FAM53B: variants seen among roughly 807,000 people sequenced by gnomAD.
FAM53B encodes protein FAM53B.
A neutral mutation model predicts 32.7 loss-of-function variants in FAM53B; 12 were observed. The observed-to-expected ratio is 0.37, with a 90% confidence interval of 0.24 to 0.59. The LOEUF (loss-of-function observed/expected upper bound fraction) is 0.59, where lower values mean the gene tolerates loss of function less well. FAM53B is among the 20% of genes least tolerant of loss of function. The probability of loss-of-function intolerance (pLI) is 0.72; values close to 1 mark genes in which losing one functional copy is unlikely to be tolerated. For synonymous variants in FAM53B, 234 were observed against 228.7 expected (o/e 1.02, Z -0.21); for missense variants, 477 against 577.7 (o/e 0.83, Z 1.79).
At chr10:124,627,022 C>T (rs1476187695) in intron 4 of FAM53B, among the ~76,000 whole-genome samples, 1 of 152,262 alleles carries the variant, frequency 6.6e-6, no homozygotes, top group Non-Finnish European at 1.5e-5. Context: ...CTCCAGTATT[C>T]TTCAAATATA....
intron 1 of FAM53B, among the ~76,000 whole-genome samples, chr10:124,720,277 C>G (rs2134095528): frequency 6.6e-6 from 1 of 150,684 alleles, no homozygotes; most frequent in East Asian, 2.0e-4. Context: ...TAATACCAGC[C>G]TAGGCAATAT....
At chr10:124,646,533 T>C (rs914713466) in intron 4 of FAM53B, among the ~76,000 whole-genome samples, 2 of 152,188 alleles carry the variant, frequency 1.3e-5, no homozygotes, top group African/African-American at 4.8e-5. Context: ...CCCTGGTCTT[T>C]TTGCTCCCAG....
intron 1 of FAM53B, among the ~76,000 whole-genome samples, 173 bp from the exon 2 acceptor site, chr10:124,707,060 C>T (rs1258966909): frequency 2.0e-5 from 3 of 152,130 alleles, no homozygotes; most frequent in Non-Finnish European, 4.4e-5. Flanking sequence ...AGAGTCCCCC[C>T]GCCCACCCCT....
At chr10:124,697,180 GTGGGCACGGGC>G (rs1489011416) in intron 2 of FAM53B, among the ~76,000 whole-genome samples, 2 of 152,150 alleles carry the variant, frequency 1.3e-5, no homozygotes, top group African/African-American at 2.4e-5. Flanking sequence ...CACTCGCTCA[GTGGGCACGGGC>G]TGGTGATTCT....
rs1252730197 is a variant in FAM53B, at chr10:124,733,954, T to C, written c.-175+10059A>G. On this transcript the variant is annotated intron_variant, in intron 1 of 4. Coordinates refer to ENST00000337318, the MANE Select transcript of FAM53B (RefSeq NM_014661.4). This position sits in a 1 kb window ranked among gnomAD's most constrained non-coding sequence, Gnocchi z 4.3. The stretch of plus-strand genomic sequence containing the variant: ...TGACACAGTCCCATGGTGCTGTGAC[T>C]GGGGACACCTGCTCTCCTGGTCTCG... 6.6e-6 allele frequency among the ~76,000 whole-genome samples: 1 copy of C among 152,228 alleles called. No individual in the cohort carries two copies. Among genetic ancestry groups the C allele is most frequent in the Non-Finnish European group, 1.5e-5 (1 of 68,040 alleles).
At chr10:124,735,303 C>CCAT (rs1370393394) in intron 1 of FAM53B, among the ~76,000 whole-genome samples, 1 of 152,036 alleles carries the variant, frequency 6.6e-6, no homozygotes, top group Non-Finnish European at 1.5e-5. Context: ...ACGGTGAGGC[C>CCAT]ACATCATGAC....
chr10:124,657,014 T>C (rs2134053951), intron 4 of FAM53B, among the ~76,000 whole-genome samples: 1 of 150,584 alleles, frequency 6.6e-6, no homozygotes, highest in African/African-American at 2.4e-5. Context: ...GTTGTGCACA[T>C]GTACCCTAGA....
At chr10:124,658,505 T>G (rs1949610003) in intron 4 of FAM53B, among the ~76,000 whole-genome samples, 1 of 152,226 alleles carries the variant, frequency 6.6e-6, no homozygotes, top group African/African-American at 2.4e-5. Context: ...CTTCACCCCT[T>G]CTAGGAGACA....
intron 4 of FAM53B, among the ~76,000 whole-genome samples, chr10:124,645,748 C>T (rs986731624): frequency 2.6e-5 from 4 of 152,150 alleles, no homozygotes; most frequent in African/African-American, 9.7e-5. Flanking sequence ...GGCAGAAGTG[C>T]GCCAGGAAAC....
intron 4 of FAM53B, among the ~76,000 whole-genome samples, chr10:124,669,738 G>A (rs1446913266): frequency 5.3e-5 from 8 of 152,182 alleles, no homozygotes; most frequent in African/African-American, 1.9e-4. Context: ...GGGGGCCCAC[G>A]GGCTGTCGGG....
intron 4 of FAM53B, among the ~76,000 whole-genome samples, chr10:124,649,933 G>GA (rs1949545930): frequency 6.6e-6 from 1 of 152,118 alleles, no homozygotes; most frequent in Non-Finnish European, 1.5e-5. Context: ...CCATTTTTTA[G>GA]ATAAGAACTC....
At chr10:124,637,027 A>G (rs1369690187) in intron 4 of FAM53B, among the ~76,000 whole-genome samples, 1 of 152,072 alleles carries the variant, frequency 6.6e-6, no homozygotes, top group Non-Finnish European at 1.5e-5. Context: ...AACACAACTG[A>G]TTTATCTGCC....
At chr10:124,734,916 T>C (rs768382863) in intron 1 of FAM53B, among the ~76,000 whole-genome samples, 2 of 152,216 alleles carry the variant, frequency 1.3e-5, no homozygotes, top group Non-Finnish European at 2.9e-5. Flanking sequence ...CCCTTCCCTC[T>C]GTCCTCCAAG....
At chr10:124,646,215 A>C (rs1487147740) in intron 4 of FAM53B, among the ~76,000 whole-genome samples, 1 of 151,960 alleles carries the variant, frequency 6.6e-6, no homozygotes, top group Non-Finnish European at 1.5e-5. Context: ...GCCCCATGTC[A>C]CTCCACATCA....
Position 124,678,322 on chromosome 10 carries a change from C to T in FAM53B, c.906+3285G>A, listed in dbSNP as rs1434730178. ...GTGTGTGTACATACAGATACAGATA[C>T]ACACACACGCATATCAACAGATGTG... On this transcript the variant is annotated intron_variant, in intron 4 of 4. Transcript: ENST00000337318. Among the ~76,000 whole-genome samples the T allele has an allele frequency of 4.0e-4, 61 of 152,186 alleles. 3 individuals are homozygous for T. The highest frequency in any genetic ancestry group is 4.0e-3 in the Admixed American group (61 of 15,276).
At chr10:124,698,839 A>G (rs1367899685) in intron 2 of FAM53B, among the ~76,000 whole-genome samples, 1 of 152,056 alleles carries the variant, frequency 6.6e-6, no homozygotes, top group African/African-American at 2.4e-5. Context: ...CTGTTCCAAC[A>G]ACTTCCCACC....
intron 2 of FAM53B, among the ~76,000 whole-genome samples, chr10:124,701,282 C>A (rs376506147): frequency 1.3e-4 from 20 of 152,394 alleles, no homozygotes; most frequent in African/African-American, 4.8e-4. Flanking sequence ...TGGCCACTAA[C>A]TCCTCAGGTA....
chr10:124,714,198 TACTA>T (rs1276398876), intron 1 of FAM53B: 1 of 152,120 alleles, frequency 6.6e-6, no homozygotes, highest in East Asian at 1.9e-4. Flanking sequence ...TGATTTTATA[TACTA>T]ACTAAGTCAT....
chr10:124,727,989 C>A (rs1481151403), intron 1 of FAM53B, among the ~76,000 whole-genome samples: 1 of 152,184 alleles, frequency 6.6e-6, no homozygotes, highest in African/African-American at 2.4e-5. Flanking sequence ...CACATCTGGC[C>A]CCCAGACCCA....
Sources: allele counts gnomAD v4.1 joint callset (sites outside exome capture counted in the v4.1 genomes callset), GRCh38; gene constraint gnomAD v4.1.1; non-coding constraint Gnocchi (gnomAD v3.1); transcripts MANE v1.5; gene names NCBI Gene and HGNC (gene_info 2026-07-23, HGNC 2026-07-21).